The following TAF2 variants were observed in gnomAD, a reference collection of about 807,000 sequenced individuals.
The protein encoded by TAF2 is transcription initiation factor TFIID subunit 2.
In TAF2, 61 loss-of-function variants were observed where a neutral mutation model predicts 138.5. That is an observed-to-expected ratio of 0.44 (90% confidence interval 0.36 to 0.54). TAF2 has a LOEUF of 0.54. TAF2 is among the 20% of genes least tolerant of loss of function. The pLI is 0.00. For synonymous variants in TAF2, 475 were observed against 469.9 expected, an observed-to-expected ratio of 1.01 and a Z score of -0.14; for missense variants, 1,090 against 1,427.9, an observed-to-expected ratio of 0.76 and a Z score of 3.81.
intron 3 of TAF2, among the ~76,000 whole-genome samples, chr8:119,812,079 G>A (rs541854305): frequency 2.0e-5 from 3 of 152,082 alleles, no homozygotes; most frequent in Admixed American, 2.0e-4. Context: ...TTTGTTGCAC[G>A]CAAGTTTTTA....
At chr8:119,811,563 T>C (rs960084573) in intron 3 of TAF2, among the ~76,000 whole-genome samples, 4 of 151,838 alleles carry the variant, frequency 2.6e-5, no homozygotes, top group Non-Finnish European at 4.4e-5. Context: ...TCCCAGCACT[T>C]TGGGAGGCCG....
chr8:119,830,045 C>T (rs1586562109), intron 2 of TAF2, among the ~76,000 whole-genome samples: 1 of 151,526 alleles, frequency 6.6e-6, no homozygotes, highest in Non-Finnish European at 1.5e-5. Flanking sequence ...ACCACAGGCA[C>T]CCACCACCAC....
At chr8:119,785,832 G>A (rs1822973670) in intron 14 of TAF2, among the ~76,000 whole-genome samples, 1 of 152,132 alleles carries the variant, frequency 6.6e-6, no homozygotes, top group Admixed American at 6.5e-5. Context: ...CTTTTCCTGT[G>A]TTCCTCATAC....
At chr8:119,791,523 C>A in intron 10 of TAF2, 64 bp from the exon 11 acceptor site, 1 of 1,545,690 alleles carries the variant, frequency 6.5e-7, no homozygotes. Flanking sequence ...AAATAAATTT[C>A]ATGACCACAT....
chr8:119,783,489 A>G lies in TAF2; in HGVS notation c.2004T>C (p.Ala668=). The G allele has an allele frequency of 6.2e-7, 1 of 1,614,142 alleles. No individual in the cohort carries two copies. The highest frequency in any genetic ancestry group is 1.7e-5 in the Admixed American group (1 of 60,006). ...ATGCTGGAGTAGGGAATTTTTCCAA[A>G]GCCAAAATGGATTCCTGCTGTGCAA... ...DVVAQQESIL[A]LEKFPTPASR... is the part of the protein sequence containing the mutation. Residue 668 remains alanine, a synonymous_variant, in exon 16 of 26, where the codon GCT becomes GCC. Coordinates refer to ENST00000378164, the MANE Select transcript of TAF2 (RefSeq NM_003184.4).
At chr8:119,812,402 T>C (rs1825135509) in intron 3 of TAF2, among the ~76,000 whole-genome samples, 1 of 151,932 alleles carries the variant, frequency 6.6e-6, no homozygotes, top group Admixed American at 6.6e-5. Context: ...ACAATAGGAA[T>C]GTCTGAGATT....
chr8:119,799,893 T>C (rs1469323812), intron 6 of TAF2, among the ~76,000 whole-genome samples: 2 of 152,260 alleles, frequency 1.3e-5, no homozygotes. Flanking sequence ...TGCATTTCTC[T>C]GATGGCCAGT....
chr8:119,778,039 T>C lies in TAF2; in HGVS notation c.2344A>G (p.Asn782Asp). ...LTFILDLIKY[N>D]DNRKNKFSDN... is the part of the protein sequence containing the mutation. ...CTCACCTTATTTTTCCTGTTGTCAT[T>C]GTACTTGATTAAGTCTAAAATAAAT... is the stretch of plus-strand genomic sequence containing the variant. The change falls in exon 18 of 26, where the codon AAT becomes GAT. Residue 782 changes from asparagine (N) to aspartate (D), a missense_variant. Asn to Asp is a conservative substitution (Grantham distance 23, BLOSUM62 1). This residue lies in a region of TAF2 where 580 missense variants were observed against 719.6 expected (regional missense o/e 0.81). Transcript: ENST00000378164. 1 of 1,543,548 alleles carries C rather than the reference T, an allele frequency of 6.5e-7. No homozygotes were observed. Among genetic ancestry groups the C allele is most frequent in the Non-Finnish European group, 8.9e-7 (1 of 1,121,000 alleles).
chr8:119,765,452 G>A (rs1298490851), intron 18 of TAF2, among the ~76,000 whole-genome samples: 2 of 152,072 alleles, frequency 1.3e-5, no homozygotes, highest in Non-Finnish European at 2.9e-5. Context: ...AGGCACCCTT[G>A]GGTTAAGGAG....
At chr8:119,739,802 C>T (rs996740030) in intron 25 of TAF2, among the ~76,000 whole-genome samples, 1 of 150,466 alleles carries the variant, frequency 6.6e-6, no homozygotes, top group African/African-American at 2.5e-5. Flanking sequence ...TACTAAAAAG[C>T]CTCTCACACT....
chr8:119,781,528 A>G (rs993770188), intron 16 of TAF2, among the ~76,000 whole-genome samples: 1 of 151,982 alleles, frequency 6.6e-6, no homozygotes, highest in African/African-American at 2.4e-5. Context: ...AATACAAAAT[A>G]AATTAGCCGG....
chr8:119,773,165 A>G (rs1172461348), intron 18 of TAF2, among the ~76,000 whole-genome samples: 2 of 150,688 alleles, frequency 1.3e-5, no homozygotes, highest in Non-Finnish European at 2.9e-5. Flanking sequence ...AAGAAATAAT[A>G]GCAAAATTTA....
intron 1 of TAF2, among the ~76,000 whole-genome samples, chr8:119,832,130 GC>G (rs1826492307): frequency 6.6e-6 from 1 of 151,856 alleles, no homozygotes; most frequent in Non-Finnish European, 1.5e-5. Context: ...TTGCACTCCA[GC>G]CTGGGCGACT....
At chr8:119,767,333 G>C (rs1259229272) in intron 18 of TAF2, among the ~76,000 whole-genome samples, 2 of 152,136 alleles carry the variant, frequency 1.3e-5, no homozygotes, top group Non-Finnish European at 2.9e-5. Flanking sequence ...TCAGAGAAGC[G>C]ACGGGAATCA....
At chr8:119,796,967 G>C (rs1418564856) in intron 8 of TAF2, 23 bp downstream of exon 8, 2 of 1,487,486 alleles carry the variant, frequency 1.3e-6, no homozygotes, top group Non-Finnish European at 1.9e-6. Context: ...CTTCTCAGTA[G>C]TATGAACTTT....
chr8:119,738,209 C>T (rs570111134), intron 25 of TAF2, among the ~76,000 whole-genome samples: 2 of 152,054 alleles, frequency 1.3e-5, no homozygotes, highest in South Asian at 4.2e-4. Context: ...ATCTATCTCT[C>T]CTAAATAATG....
intron 6 of TAF2, among the ~76,000 whole-genome samples, chr8:119,800,373 T>C (rs948261230): frequency 6.6e-6 from 1 of 152,200 alleles, no homozygotes; most frequent in Admixed American, 6.5e-5. Context: ...GCTAGCCAGT[T>C]TTCCCAGCAC....
chr8:119,784,544 G>C (rs1015759775), intron 15 of TAF2, among the ~76,000 whole-genome samples: 2 of 152,176 alleles, frequency 1.3e-5, no homozygotes, highest in South Asian at 2.1e-4. Flanking sequence ...AACATAATCT[G>C]TATATAAACA....
intron 25 of TAF2, 139 bp from the exon 26 acceptor site, chr8:119,732,325 AAAT>A: frequency 1.3e-6 from 1 of 765,346 alleles, no homozygotes; most frequent in African/African-American, 1.7e-5. Flanking sequence ...AGAAGTATCT[AAAT>A]AAGACATGTA....
Sources: gnomAD v4.1 joint callset for allele counts (sites outside exome capture counted in the v4.1 genomes callset) on GRCh38, gnomAD v4.1.1 for gene constraint, gnomAD v4.1.1 regional missense constraint, MANE v1.5 for transcripts, NCBI Gene and HGNC (gene_info 2026-07-23, HGNC 2026-07-21) for gene names.